Variants in GGPS1 observed in about 807,000 individuals in gnomAD.
GGPS1 encodes geranylgeranyl diphosphate synthase 1, also known as geranylgeranyl pyrophosphate synthase.
Under a neutral mutation model 28.1 loss-of-function variants are expected in GGPS1, and 15 were observed. That is an observed-to-expected ratio of 0.53 (90% CI 0.36 to 0.82). The LOEUF (loss-of-function observed/expected upper bound fraction) is 0.82. GGPS1 is among the 40% of genes least tolerant of loss of function. The pLI, the probability that GGPS1 is intolerant of heterozygous loss-of-function variation, is 0.01. For synonymous variants in GGPS1, 138 were observed against 122.4 expected (o/e 1.13, Z -0.84); for missense variants, 284 against 348.3 (o/e 0.82, Z 1.47).
intron 2 of GGPS1, among the ~76,000 whole-genome samples, chr1:235,340,807 A>G (rs535308591): frequency 6.6e-6 from 1 of 152,052 alleles, no homozygotes; most frequent in East Asian, 1.9e-4. Flanking sequence ...CCTAGTCAAA[A>G]TAATGAGATT....
rs749152724 is a variant in GGPS1 at position 235,341,774 on chromosome 1, T to A, written c.137T>A (p.Leu46Gln). The A allele has an allele frequency of 6.3e-7, 1 of 1,574,992 alleles. No homozygotes were observed. Among genetic ancestry groups the A allele is most frequent in the Admixed American group, 1.7e-5 (1 of 59,900 alleles). Residue 46 changes from leucine (L) to glutamine (Q), a missense_variant, in exon 3 of 4, where the codon CTA (leucine) becomes CAA (glutamine). Physicochemically the swap from Leu to Gln is moderately radical, Grantham distance 113 (BLOSUM62 -2). Coordinates refer to ENST00000282841, the MANE Select transcript of GGPS1 (RefSeq NM_004837.4). ...NHWLKVPEDK[L>Q]QIIIEVTEML... ...TGGCTGAAAGTTCCAGAGGACAAGC[T>A]ACAGGTATTAGGCAACTCTAACCTC...
intron 1 of GGPS1, among the ~76,000 whole-genome samples, chr1:235,332,132 G>A (rs181862923): frequency 6.7e-4 from 102 of 152,278 alleles, no homozygotes; most frequent in African/African-American, 2.4e-3. Flanking sequence ...TGCATAGATT[G>A]CATTGTAGTG....
At chr1:235,332,491 A>G (rs1350927008) in intron 1 of GGPS1, among the ~76,000 whole-genome samples, 2 of 152,296 alleles carry the variant, frequency 1.3e-5, no homozygotes, top group Non-Finnish European at 2.9e-5. Context: ...GGTTGATTCC[A>G]TATCTTTACT....
Position 235,341,574 on chromosome 1 carries a change from A to G in GGPS1, c.71-134A>G, listed in dbSNP as rs1417394995. 5.3e-5 allele frequency: 36 copies of G among 681,594 alleles called. No homozygotes were observed. In the East Asian group the frequency reaches 9.4e-4, roughly 18 times the overall value. The allele number at this position is 681,594 out of a possible 1,614,324, so 42.2% of individuals were successfully genotyped here. ...AGCAGTGCAAGGCAAGCTCTGCAGT[A>G]GGTAATGGATTGATGAGGCTGGATT... On this transcript the variant is annotated intron_variant, in intron 2 of 3. Coordinates refer to ENST00000282841, the MANE Select transcript of GGPS1 (RefSeq NM_004837.4).
intron 2 of GGPS1, among the ~76,000 whole-genome samples, chr1:235,338,394 G>C (rs1160167802): frequency 6.6e-6 from 1 of 151,064 alleles, no homozygotes; most frequent in Admixed American, 6.6e-5. Context: ...AAAAAAAAAA[G>C]GGGGGGAAAC....
At chr1:235,336,162 G>T (rs1675856210) in intron 2 of GGPS1, among the ~76,000 whole-genome samples, 1 of 152,222 alleles carries the variant, frequency 6.6e-6, no homozygotes, top group Admixed American at 6.5e-5. Context: ...TGAGGCCAAG[G>T]CGGGCGGATC....
In GGPS1 at chr1:235,331,567, A is replaced by G. The variant is rs544727693; in HGVS notation, c.-24+2789A>G. On this transcript the variant is annotated intron_variant, in intron 1 of 3. Coordinates refer to ENST00000282841, the MANE Select transcript of GGPS1 (RefSeq NM_004837.4). Reference sequence around the variant, plus strand: ...GACTATATGATCTCTGAGAATTTGTATGTTGTAAGTCTTTGTGGCAGTGTA... The same window carrying G: ...GACTATATGATCTCTGAGAATTTGTGTGTTGTAAGTCTTTGTGGCAGTGTA... Among the ~76,000 whole-genome samples the G allele has an allele frequency of 3.3e-5, 5 of 151,566 alleles. No homozygotes were observed. The South Asian group carries it at 1.0e-3, about 32-fold the overall frequency.
chr1:235,343,144 C>G lies in GGPS1; in HGVS notation c.*372C>G, dbSNP rs1329180148. 1.2e-5 allele frequency: 2 copies of G among 172,588 alleles called. No homozygotes were observed. The highest frequency in any genetic ancestry group is 2.0e-4 in the South Asian group (1 of 4,958). The allele number at this position is 172,588 out of a possible 1,614,324, so 10.7% of individuals were successfully genotyped here. A position where few individuals can be genotyped will look rare whatever the true frequency, so the allele number is the denominator to read the frequency against. ...ACTGTACTATCTGGGCAGTTCCAAGCCAGTTTCTATTAGCTAGCTGGACCA... is the reference window on the plus strand; with the variant it reads ...ACTGTACTATCTGGGCAGTTCCAAGGCAGTTTCTATTAGCTAGCTGGACCA... On this transcript the variant is annotated 3_prime_UTR_variant, in exon 4 of 4. Coordinates refer to ENST00000282841, the MANE Select transcript of GGPS1 (RefSeq NM_004837.4).
intron 1 of GGPS1, chr1:235,330,689 C>G (rs1435592697): frequency 6.6e-6 from 1 of 152,108 alleles, no homozygotes; most frequent in Non-Finnish European, 1.5e-5. Flanking sequence ...TAACATCAAC[C>G]ACAAAGCTCT....
At chr1:235,334,707 T>C (rs1361859043) in intron 1 of GGPS1, among the ~76,000 whole-genome samples, 1 of 152,210 alleles carries the variant, frequency 6.6e-6, no homozygotes, top group Non-Finnish European at 1.5e-5. Flanking sequence ...CTTCTTTCAC[T>C]TAACATGTTT....
intron 2 of GGPS1, among the ~76,000 whole-genome samples, chr1:235,340,734 T>TGAAAAAA (rs1676013785): frequency 8.9e-5 from 1 of 11,212 alleles, no homozygotes; most frequent in African/African-American, 3.5e-4. Context: ...AGACTCCGTC[T>TGAAAAAA]CAAAAAAAAA....
upstream of GGPS1, chr1:235,328,370 A>G (rs994755152): frequency 6.6e-6 from 1 of 152,316 alleles, no homozygotes; most frequent in African/African-American, 2.4e-5. Context: ...TTTTCCCACC[A>G]GTTCTATGGA....
chr1:235,339,077 A>G (rs1675949307), intron 2 of GGPS1, among the ~76,000 whole-genome samples: 1 of 152,108 alleles, frequency 6.6e-6, no homozygotes, highest in African/African-American at 2.4e-5. Context: ...AGGTGGGTGG[A>G]TCACCTGAGG....
intron 2 of GGPS1, among the ~76,000 whole-genome samples, chr1:235,336,609 A>G (rs961952271): frequency 7.2e-5 from 11 of 152,196 alleles, no homozygotes; most frequent in Non-Finnish European, 1.6e-4. Context: ...TGGGCAACAT[A>G]ACAAGTCCCC....
At chr1:235,329,136 C>G (rs1421743120) in intron 1 of GGPS1, 1 of 152,260 alleles carries the variant, frequency 6.6e-6, no homozygotes, top group Admixed American at 6.5e-5. Context: ...GATCCATCGT[C>G]TTTCTCCCGG....
intron 1 of GGPS1, among the ~76,000 whole-genome samples, chr1:235,333,102 C>T (rs1194155658): frequency 6.7e-6 from 1 of 149,726 alleles, no homozygotes; most frequent in Non-Finnish European, 1.5e-5. Flanking sequence ...GGAACACATC[C>T]TCACTGTTAC....
chr1:235,331,014 C>A (rs1331310006), intron 1 of GGPS1, among the ~76,000 whole-genome samples: 2 of 151,986 alleles, frequency 1.3e-5, no homozygotes, highest in African/African-American at 2.4e-5. Context: ...TACTTCAATC[C>A]CTGATAATAA....
intron 2 of GGPS1, among the ~76,000 whole-genome samples, chr1:235,335,999 A>G (rs1021413582): frequency 6.6e-6 from 1 of 152,398 alleles, no homozygotes; most frequent in East Asian, 1.9e-4. Context: ...GTATTTGGAA[A>G]TATAGCCCAC....
chr1:235,327,650 C>G, upstream of GGPS1: 1 of 152,382 alleles, frequency 6.6e-6, no homozygotes, highest in East Asian at 1.9e-4. Context: ...AGGCCGAGGC[C>G]CCGAATTCGG....
Sources: gnomAD v4.1 joint callset for allele counts (sites outside exome capture counted in the v4.1 genomes callset) on GRCh38, gnomAD v4.1.1 for gene constraint, MANE v1.5 for transcripts, NCBI Gene and HGNC (gene_info 2026-07-23, HGNC 2026-07-21) for gene names.